Variants in THNSL1 observed in about 807,000 individuals in gnomAD.
THNSL1 encodes threonine synthase like 1.
In THNSL1, 48 loss-of-function variants were observed where a neutral mutation model predicts 50.4. That is an observed-to-expected ratio of 0.95 (90% CI 0.76 to 1.21). The LOEUF (loss-of-function observed/expected upper bound fraction) is 1.21, where lower values mean the gene tolerates loss of function less well. THNSL1 is among the 50% of genes most tolerant of loss of function. THNSL1 has a pLI of 0.00. For synonymous variants in THNSL1, 309 were observed against 306.1 expected, an observed-to-expected ratio of 1.01 and a Z score of -0.10; for missense variants, 896 against 871.7, an observed-to-expected ratio of 1.03 and a Z score of -0.35.
chr10:24,999,322 A>C, the THNSL1 span: 4 of 1,382,428 alleles, frequency 2.9e-6, no homozygotes, highest in Non-Finnish European at 4.0e-6. Context: ...TGCATGTTTA[A>C]TATTCATCAA....
At chr10:24,983,839 TA>T in the THNSL1 span, 1 of 152,336 alleles carries the variant, frequency 6.6e-6, no homozygotes, top group South Asian at 2.1e-4. Flanking sequence ...TTTCATAAAA[TA>T]ACCTTTTCCT....
At chr10:24,954,148 ACAT>A in the THNSL1 span, among the ~76,000 whole-genome samples, 1 of 152,300 alleles carries the variant, frequency 6.6e-6, no homozygotes, top group South Asian at 2.1e-4. Flanking sequence ...TTCACAAGCA[ACAT>A]CATTAAAATT....
At chr10:25,018,337 G>T (rs757939956) in intron 1 of THNSL1, among the ~76,000 whole-genome samples, 3 of 152,104 alleles carry the variant, frequency 2.0e-5, no homozygotes, top group African/African-American at 7.2e-5. Flanking sequence ...TGTGTCCACC[G>T]CATGTCCACA....
chr10:24,967,787 G>A, the THNSL1 span, among the ~76,000 whole-genome samples: 12 of 151,614 alleles, frequency 7.9e-5, no homozygotes, highest in South Asian at 2.1e-4. Context: ...ATGTATGTGC[G>A]TATGATGTGT....
At chr10:24,990,491 G>C in the THNSL1 span, 1 of 1,613,422 alleles carries the variant, frequency 6.2e-7, no homozygotes, top group East Asian at 2.2e-5. Context: ...TTCTTCATCG[G>C]AGAGCCTTTT....
chr10:24,985,939 G>C, the THNSL1 span, among the ~76,000 whole-genome samples: 1 of 152,252 alleles, frequency 6.6e-6, no homozygotes, highest in African/African-American at 2.4e-5. Context: ...GTGGTAGCAT[G>C]GGCCTGTAGT....
At chr10:25,018,476 A>G (rs1188999114) in intron 1 of THNSL1, among the ~76,000 whole-genome samples, 2 of 152,204 alleles carry the variant, frequency 1.3e-5, no homozygotes, top group South Asian at 4.1e-4. Context: ...TGTAGCTCAA[A>G]AGCAGCCAAA....
At chr10:24,991,598 C>G in the THNSL1 span, among the ~76,000 whole-genome samples, 1 of 152,108 alleles carries the variant, frequency 6.6e-6, no homozygotes, top group African/African-American at 2.4e-5. Context: ...GAGGAGAGCC[C>G]GGGCCACAGA....
the THNSL1 span, among the ~76,000 whole-genome samples, chr10:25,010,303 C>T: frequency 2.0e-5 from 3 of 152,026 alleles, no homozygotes; most frequent in East Asian, 3.9e-4. Context: ...TGTGGAACTT[C>T]GAATTTGAGA....
the THNSL1 span, among the ~76,000 whole-genome samples, chr10:24,969,392 AG>A: frequency 6.6e-6 from 1 of 152,224 alleles, no homozygotes; most frequent in Non-Finnish European, 1.5e-5. Context: ...CAGAATCAAT[AG>A]GTCTGTTTTT....
At chr10:25,022,903 A>T (rs1315678708) in intron 2 of THNSL1, among the ~76,000 whole-genome samples, 1 of 152,190 alleles carries the variant, frequency 6.6e-6, no homozygotes, top group East Asian at 1.9e-4. Context: ...CTTTGTGAAT[A>T]CAAGTTTCTG....
chr10:24,957,604 C>T, the THNSL1 span, among the ~76,000 whole-genome samples: 2 of 152,160 alleles, frequency 1.3e-5, no homozygotes, highest in Admixed American at 1.3e-4. Flanking sequence ...CCTCAGCCTC[C>T]CAAGTAGCTG....
At chr10:24,993,944 G>C in the THNSL1 span, among the ~76,000 whole-genome samples, 1 of 152,186 alleles carries the variant, frequency 6.6e-6, no homozygotes, top group Non-Finnish European at 1.5e-5. Flanking sequence ...AGAGCCATGA[G>C]AGTGAGTTTT....
the THNSL1 span, among the ~76,000 whole-genome samples, chr10:24,967,773 G>A: frequency 1.3e-5 from 2 of 151,796 alleles, no homozygotes; most frequent in African/African-American, 4.8e-5. Context: ...CACGATGTGT[G>A]TATATGTATG....
At chr10:24,953,712 C>G in the THNSL1 span, among the ~76,000 whole-genome samples, 1 of 152,330 alleles carries the variant, frequency 6.6e-6, no homozygotes, top group South Asian at 2.1e-4. Context: ...CACAGTTTTC[C>G]TGATGCAGGC....
chr10:24,955,331 A>G, the THNSL1 span, among the ~76,000 whole-genome samples: 1 of 152,190 alleles, frequency 6.6e-6, no homozygotes, highest in African/African-American at 2.4e-5. Flanking sequence ...GGGGACACAG[A>G]GCCAAACCAT....
chr10:25,020,282 A>ATCTATATCTATATC (rs1564347806), intron 1 of THNSL1, among the ~76,000 whole-genome samples: 12 of 151,766 alleles, frequency 7.9e-5, no homozygotes, highest in South Asian at 2.1e-4. Flanking sequence ...ATCTATATAT[A>ATCTATATCTATATC]TCTACCCCAA....
chr10:25,004,420 C>T, the THNSL1 span, among the ~76,000 whole-genome samples: 2 of 152,084 alleles, frequency 1.3e-5, no homozygotes, highest in Non-Finnish European at 2.9e-5. Context: ...CCTTTTTCTC[C>T]ACAACCTCAC....
the THNSL1 span, among the ~76,000 whole-genome samples, chr10:24,967,658 A>ATGTGTGTATGATG: frequency 6.6e-6 from 1 of 151,572 alleles, no homozygotes; most frequent in Admixed American, 6.6e-5. Context: ...GTGTGTGTAC[A>ATGTGTGTATGATG]TGTGTGTATG....
Sources: allele counts gnomAD v4.1 joint callset (sites outside exome capture counted in the v4.1 genomes callset), GRCh38; gene constraint gnomAD v4.1.1; transcripts MANE v1.5; gene names NCBI Gene and HGNC (gene_info 2026-07-23, HGNC 2026-07-21).